The following CHD7 variants were observed in gnomAD, a reference collection of about 807,000 sequenced individuals.
The protein encoded by CHD7 is ATP-dependent chromatin remodeler CHD7.
A neutral mutation model predicts 307.3 loss-of-function variants in CHD7; 24 were observed. The ratio of observed to expected loss-of-function variants is 0.08; its 90% CI spans 0.06 to 0.11. The LOEUF (loss-of-function observed/expected upper bound fraction) is 0.11. Ranked by LOEUF, CHD7 falls within the 10% of genes least tolerant of loss-of-function variation. The pLI is 1.00. For missense variants in CHD7, 3,106 were observed against 3,727.1 expected (o/e 0.83, Z 4.34); for synonymous variants, 1,363 against 1,349.9 (o/e 1.01, Z -0.21).
Position 60,703,828 on chromosome 8 carries a change from A to C in CHD7, c.-175+24746A>C, listed in dbSNP as rs562400403. Among the ~76,000 whole-genome samples, 7 of 152,146 alleles carry C rather than the reference A, an allele frequency of 4.6e-5. No individual in the cohort carries two copies. In the East Asian group the frequency reaches 1.2e-3, roughly 25 times the overall value. ...TCTCTGAAACAGCTCATAAACTCCT[A>C]CCTCTCCCTGAGCGAAGTCAGATAT... On this transcript the variant is annotated intron_variant, in intron 1 of 37. Coordinates refer to ENST00000423902, the MANE Select transcript of CHD7 (RefSeq NM_017780.4).
At chr8:60,830,232 G>T (rs1402135781) in intron 14 of CHD7, 90 bp from the exon 15 acceptor site, 3 of 1,314,168 alleles carry the variant, frequency 2.3e-6, no homozygotes, top group Non-Finnish European at 3.1e-6. Context: ...GATGTTTAAT[G>T]AATGAGATAA....
In CHD7 at chr8:60,800,474, A is replaced by G; in HGVS notation, c.2325A>G (p.Ala775=). 1 of 1,613,932 alleles carries G rather than the reference A, an allele frequency of 6.2e-7. No individual in the cohort carries two copies. Among genetic ancestry groups the G allele is most frequent in the Non-Finnish European group, 8.5e-7 (1 of 1,179,846 alleles). ...FKISDEEADD[A]DAAGRDSPSN... is the part of the protein sequence containing the mutation. ...TTTCTGATGAGGAGGCAGATGATGC[A>G]GATGCTGCTGGGAGGGATTCCCCCT... Residue 775 remains alanine, a synonymous_variant, in exon 5 of 38, where the codon GCA becomes GCG. Transcript: ENST00000423902.
At chr8:60,779,561 A>G (rs975704971) in intron 2 of CHD7, among the ~76,000 whole-genome samples, 2 of 152,170 alleles carry the variant, frequency 1.3e-5, no homozygotes, top group African/African-American at 4.8e-5. Flanking sequence ...AGCAAACATA[A>G]CCTAGCTTGG....
chr8:60,778,432 T>G (rs1811054873), intron 2 of CHD7, among the ~76,000 whole-genome samples: 1 of 151,432 alleles, frequency 6.6e-6, no homozygotes, highest in African/African-American at 2.4e-5. Flanking sequence ...GCTTCATTTA[T>G]TACTAAAAGG....
chr8:60,743,111 G>C lies in CHD7; in HGVS notation c.1665+14G>C, dbSNP rs576207260. The C allele has an allele frequency of 1.2e-6, 2 of 1,602,376 alleles. No homozygotes were observed. The highest frequency in any genetic ancestry group is 1.7e-5 in the Admixed American group (1 of 59,678). On this transcript the variant is annotated intron_variant, in intron 2 of 37. Transcript: ENST00000423902. ...CCTGTGCATCAGGTAAGGGGACACA[G>C]AGCCTACCTCTGCATTGCAGTGTGA...
At position 60,856,014 on chromosome 8, in the gene CHD7, G is replaced by T; in HGVS notation, c.6976G>T (p.Ala2326Ser). 6.2e-7 allele frequency: 1 copy of T among 1,611,130 alleles called. No individual in the cohort carries two copies. The highest frequency in any genetic ancestry group is 8.5e-7 in the Non-Finnish European group (1 of 1,178,520). Residue 2326 changes from alanine to serine, a missense_variant, in exon 33 of 38, where the codon GCA (alanine) becomes TCA (serine). Physicochemically the swap from Ala to Ser is moderately conservative, Grantham distance 99. This residue lies in a region of CHD7 where 1,030 missense variants were observed against 1,165.4 expected (regional missense o/e 0.88). Transcript: ENST00000423902. ...AAACCGCTTAGACAACATCTGTGAA[G>T]CAGTGTTGAAAGGCAAATGGCCAGT... is the stretch of plus-strand genomic sequence containing the variant. ...MINRLDNICE[A>S]VLKGKWPVNR...
intron 19 of CHD7, among the ~76,000 whole-genome samples, chr8:60,839,779 A>C (rs1181830200): frequency 1.3e-5 from 2 of 151,980 alleles, no homozygotes; most frequent in African/African-American, 2.4e-5. Flanking sequence ...TCATTTTTTG[A>C]GTTTCTTTTT....
intron 1 of CHD7, among the ~76,000 whole-genome samples, chr8:60,708,310 G>A (rs1427540632): frequency 6.6e-6 from 1 of 152,144 alleles, no homozygotes; most frequent in Non-Finnish European, 1.5e-5. Flanking sequence ...TTTCATCTCT[G>A]ACTTTCTCTC....
At chr8:60,787,941 C>T (rs1362954848) in intron 3 of CHD7, among the ~76,000 whole-genome samples, 2 of 151,318 alleles carry the variant, frequency 1.3e-5, no homozygotes, top group African/African-American at 4.9e-5. Flanking sequence ...CTGCCTCAGC[C>T]TCCCTAGTAG....
intron 19 of CHD7, among the ~76,000 whole-genome samples, chr8:60,839,921 G>A (rs931045982): frequency 8.6e-5 from 13 of 151,742 alleles, no homozygotes; most frequent in African/African-American, 2.9e-4. Context: ...TTATTTTATC[G>A]CTTGTGTTTT....
At chr8:60,834,342 G>A (rs1024426192) in intron 15 of CHD7, among the ~76,000 whole-genome samples, 1 of 152,122 alleles carries the variant, frequency 6.6e-6, no homozygotes, top group Non-Finnish European at 1.5e-5. Context: ...TTAACCAAAT[G>A]TCATAAGAGT....
In CHD7 at chr8:60,737,592, C is replaced by T. The variant is rs561959315; in HGVS notation, c.-174-3667C>T. ...GATGATTCTGTTAGTTGAGTGGTCT[C>T]GTTGTGACCCCTCCTCACCCCCAAA... On this transcript the variant is annotated intron_variant, in intron 1 of 37. Transcript: ENST00000423902. 5.9e-5 allele frequency among the ~76,000 whole-genome samples: 9 copies of T among 152,168 alleles called. No individual in the cohort carries two copies. In the East Asian group the frequency reaches 1.7e-3, roughly 29 times the overall value.
At chr8:60,778,548 A>G (rs145665299) in intron 2 of CHD7, among the ~76,000 whole-genome samples, 139 of 152,314 alleles carry the variant, frequency 9.1e-4, no homozygotes, top group African/African-American at 3.0e-3. Flanking sequence ...GGAATCTCTC[A>G]TTAGAAGCTG....
intron 32 of CHD7, 78 bp downstream of exon 32, chr8:60,854,601 C>A: frequency 7.6e-7 from 1 of 1,309,394 alleles, no homozygotes; most frequent in Non-Finnish European, 1.0e-6. Context: ...CTTGATTTTT[C>A]AAGTAATTTT....
chr8:60,720,386 A>C (rs1026773919), intron 1 of CHD7, among the ~76,000 whole-genome samples: 2 of 152,254 alleles, frequency 1.3e-5, no homozygotes, highest in Admixed American at 6.5e-5. Context: ...AGGCTGTATC[A>C]GTTCACATTC....
intron 1 of CHD7, among the ~76,000 whole-genome samples, chr8:60,699,792 T>C (rs899614389): frequency 3.3e-5 from 5 of 152,122 alleles, no homozygotes; most frequent in African/African-American, 1.2e-4. Context: ...TTAGATGGCA[T>C]TGTTTTTTCT....
intron 1 of CHD7, among the ~76,000 whole-genome samples, chr8:60,704,899 T>G (rs1478633236): frequency 3.3e-5 from 5 of 152,156 alleles, no homozygotes; most frequent in Non-Finnish European, 7.4e-5. Flanking sequence ...TTACACTCAC[T>G]TGCTTCCTCT....
At chr8:60,803,607 T>C (rs1425378159) in intron 6 of CHD7, among the ~76,000 whole-genome samples, 1 of 152,174 alleles carries the variant, frequency 6.6e-6, no homozygotes, top group South Asian at 2.1e-4. Flanking sequence ...AAGGGAGATA[T>C]GCTTTGAGGT....
At chr8:60,806,396 G>T (rs558765849) in intron 6 of CHD7, among the ~76,000 whole-genome samples, 3 of 152,196 alleles carry the variant, frequency 2.0e-5, no homozygotes, top group Non-Finnish European at 4.4e-5. Context: ...GAAATATTAA[G>T]GCTAGAGAGA....
Sources: gnomAD v4.1 joint callset for allele counts (sites outside exome capture counted in the v4.1 genomes callset) on GRCh38, gnomAD v4.1.1 for gene constraint, gnomAD v4.1.1 regional missense constraint, MANE v1.5 for transcripts, NCBI Gene and HGNC (gene_info 2026-07-23, HGNC 2026-07-21) for gene names.